PRR16: variants seen among roughly 807,000 people sequenced by gnomAD.
PRR16 encodes proline rich 16, also known as protein Largen.
A neutral mutation model predicts 18.2 loss-of-function variants in PRR16; 6 were observed. The ratio of observed to expected loss-of-function variants is 0.33; its 90% CI spans 0.18 to 0.65. The LOEUF (loss-of-function observed/expected upper bound fraction) is 0.65, where lower values mean the gene tolerates loss of function less well. PRR16 is among the 30% of genes least tolerant of loss of function. The pLI, the probability that PRR16 is intolerant of heterozygous loss-of-function variation, is 0.74. For synonymous variants in PRR16, 151 were observed against 147.8 expected, an observed-to-expected ratio of 1.02 and a Z score of -0.16; for missense variants, 412 against 376.6, an observed-to-expected ratio of 1.09 and a Z score of -0.78.
chr5:120,540,911 C>T (rs1334602699), intron 1 of PRR16, among the ~76,000 whole-genome samples: 1 of 152,126 alleles, frequency 6.6e-6, no homozygotes, highest in Admixed American at 6.5e-5. Context: ...ATTGGAACTT[C>T]ATTTTCAGCC....
At chr5:120,775,755 C>G in the PRR16 span, among the ~76,000 whole-genome samples, 2 of 150,776 alleles carry the variant, frequency 1.3e-5, no homozygotes, top group East Asian at 1.9e-4. Context: ...CTCAGCCTCC[C>G]GAGTAGCTGG....
chr5:120,509,647 G>T (rs1006677813), intron 1 of PRR16, among the ~76,000 whole-genome samples: 3 of 152,032 alleles, frequency 2.0e-5, no homozygotes, highest in African/African-American at 7.2e-5. Context: ...TTAGCCTATC[G>T]ACTGCTTTCG....
At chr5:120,510,886 C>G (rs1056362552) in intron 1 of PRR16, among the ~76,000 whole-genome samples, 3 of 152,112 alleles carry the variant, frequency 2.0e-5, no homozygotes, top group Non-Finnish European at 4.4e-5. Flanking sequence ...TTTCTTTCAT[C>G]TGAGAAATAT....
the PRR16 span, among the ~76,000 whole-genome samples, chr5:120,696,901 A>G: frequency 3.9e-5 from 6 of 152,360 alleles, no homozygotes; most frequent in African/African-American, 1.4e-4. Flanking sequence ...ATACATATAA[A>G]TGTTTTATCT....
the PRR16 span, among the ~76,000 whole-genome samples, chr5:120,725,566 G>T: frequency 1.3e-5 from 2 of 151,886 alleles, no homozygotes; most frequent in Non-Finnish European, 2.9e-5. Flanking sequence ...AACCCTAGAT[G>T]CTTGGAAAAC....
chr5:120,594,389 T>C (rs1210504862), intron 1 of PRR16, among the ~76,000 whole-genome samples: 1 of 152,010 alleles, frequency 6.6e-6, no homozygotes, highest in East Asian at 1.9e-4. Context: ...ATAAAATACC[T>C]AGGAATACAG....
At chr5:120,524,818 G>A (rs576877444) in intron 1 of PRR16, among the ~76,000 whole-genome samples, 1 of 151,992 alleles carries the variant, frequency 6.6e-6, no homozygotes, top group South Asian at 2.1e-4. Context: ...CACCTACTAT[G>A]TACCCACACA....
intron 1 of PRR16, among the ~76,000 whole-genome samples, chr5:120,663,633 G>A (rs960402999): frequency 4.6e-5 from 7 of 152,144 alleles, no homozygotes; most frequent in Non-Finnish European, 1.0e-4. Flanking sequence ...AACACTTGAA[G>A]TTAAGGAAAA....
chr5:120,649,482 A>G (rs1394491311), intron 1 of PRR16, among the ~76,000 whole-genome samples: 1 of 152,162 alleles, frequency 6.6e-6, no homozygotes, highest in Admixed American at 6.6e-5. Flanking sequence ...TACAGGGTTT[A>G]TGAGTTATCT....
intron 1 of PRR16, among the ~76,000 whole-genome samples, chr5:120,493,672 A>G (rs1157415158): frequency 6.6e-6 from 1 of 152,176 alleles, no homozygotes; most frequent in Admixed American, 6.6e-5. Context: ...TTTTACAGCT[A>G]TACCCACTTC....
chr5:120,754,205 A>AAATTATTATAATATATAATATAT, the PRR16 span, among the ~76,000 whole-genome samples: 2 of 77,952 alleles, frequency 2.6e-5, no homozygotes, highest in African/African-American at 9.1e-5. Context: ...TATATATTAT[A>AAATTATTATAATATATAATATAT]AATTATATAT....
At chr5:120,639,260 A>G (rs146877810) in intron 1 of PRR16, among the ~76,000 whole-genome samples, 213 of 152,228 alleles carry the variant, frequency 1.4e-3, no homozygotes, top group East Asian at 0.012. Flanking sequence ...TTTAAACCAT[A>G]TAATTGTTTG....
rs146835198 is a variant in PRR16 at position 120,641,918 on chromosome 5, G to T, written c.160-44036G>T. ...AATGGAGTCCATCTGATTCTCCACT[G>T]TCCTTACCCTAGGCACCTCAAACCT... On this transcript the variant is annotated intron_variant, in intron 1 of 1. Coordinates refer to ENST00000407149, the MANE Select transcript of PRR16 (RefSeq NM_001300783.2). 1.6e-4 allele frequency among the ~76,000 whole-genome samples: 24 copies of T among 152,158 alleles called. No homozygotes were observed. The East Asian group carries it at 2.1e-3, about 13-fold the overall frequency.
intron 1 of PRR16, among the ~76,000 whole-genome samples, chr5:120,570,795 A>G (rs1752881176): frequency 6.6e-6 from 1 of 152,202 alleles, no homozygotes; most frequent in Non-Finnish European, 1.5e-5. Context: ...ATTCCCAAAG[A>G]TTATAAACAT....
chr5:120,621,636 C>A (rs1408544396), intron 1 of PRR16, among the ~76,000 whole-genome samples: 1 of 152,040 alleles, frequency 6.6e-6, no homozygotes, highest in Non-Finnish European at 1.5e-5. Flanking sequence ...GGGGCAGTTT[C>A]CCCAGTGCTG....
the PRR16 span, among the ~76,000 whole-genome samples, chr5:120,701,617 TTGGGATCTAGCTCGGCC>T: frequency 0.036 from 5,409 of 151,892 alleles, 133 homozygotes; most frequent in Non-Finnish European, 0.051. Flanking sequence ...TGAGGAAGAA[TTGGGATCTAGCTCGGCC>T]TGGCAAGGAG....
chr5:120,636,812 CA>C (rs1755242392), intron 1 of PRR16, among the ~76,000 whole-genome samples: 1 of 151,986 alleles, frequency 6.6e-6, no homozygotes, highest in Non-Finnish European at 1.5e-5. Context: ...AGCTTCTGCA[CA>C]GCAAAAATAA....
chr5:120,707,178 G>C, the PRR16 span, among the ~76,000 whole-genome samples: 1 of 152,104 alleles, frequency 6.6e-6, no homozygotes, highest in Non-Finnish European at 1.5e-5. Context: ...GAAGGGCTTA[G>C]GGGGCTATGA....
intron 1 of PRR16, among the ~76,000 whole-genome samples, chr5:120,579,885 G>T (rs944385843): frequency 6.6e-6 from 1 of 152,114 alleles, no homozygotes; most frequent in African/African-American, 2.4e-5. Flanking sequence ...TTTTCCATTT[G>T]TTTGTGTCCT....
Sources: gnomAD v4.1 joint callset for allele counts (sites outside exome capture counted in the v4.1 genomes callset) on GRCh38, gnomAD v4.1.1 for gene constraint, MANE v1.5 for transcripts, NCBI Gene and HGNC (gene_info 2026-07-23, HGNC 2026-07-21) for gene names.